GLB1: variants seen among roughly 807,000 people sequenced by gnomAD.
GLB1 encodes galactosidase beta 1.
In GLB1, 56 loss-of-function variants were observed where a neutral mutation model predicts 74.0. That is an observed-to-expected ratio of 0.76 (90% CI 0.61 to 0.94). GLB1 has a LOEUF of 0.94. GLB1 is among the 40% of genes least tolerant of loss of function. GLB1 has a pLI of 0.00. For synonymous variants in GLB1, 323 were observed against 323.6 expected (o/e 1.00, Z 0.02); for missense variants, 787 against 845.5 (o/e 0.93, Z 0.86).
intron 15 of GLB1, among the ~76,000 whole-genome samples, chr3:33,012,780 A>G (rs968572710): frequency 3.3e-5 from 5 of 152,162 alleles, no homozygotes; most frequent in Non-Finnish European, 7.3e-5. Context: ...CATCCGAGAC[A>G]TATCCCTCTC....
At chr3:32,997,461 A>T in intron 15 of GLB1, 117 bp from the exon 16 acceptor site, 1 of 1,509,806 alleles carries the variant, frequency 6.6e-7, no homozygotes, top group South Asian at 1.2e-5. Context: ...GCCCCCAGAA[A>T]GGCGAGGCTG....
rs760583852 is a variant in GLB1 at position 33,014,137 on chromosome 3, A to G, written c.1653T>C (p.Phe551=). 2 of 1,614,090 alleles carry G rather than the reference A, an allele frequency of 1.2e-6. No individual in the cohort carries two copies. Among genetic ancestry groups the G allele is most frequent in the Admixed American group, 1.7e-5 (1 of 60,018 alleles). ...HNSSNYTLPA[F]YMGNFSIPSG... Reference sequence around the variant, plus strand: ...TGGGAATGGAGAAGTTCCCCATATAAAAGGCCGGGAGCGTGTAGTTGGATG... The same window carrying G: ...TGGGAATGGAGAAGTTCCCCATATAGAAGGCCGGGAGCGTGTAGTTGGATG... The change falls in exon 15 of 16, where the codon TTT becomes TTC. Residue 551 remains phenylalanine, a synonymous_variant. Coordinates refer to ENST00000307363, the MANE Select transcript of GLB1 (RefSeq NM_000404.4).
At chr3:33,008,907 G>A (rs554135194) in intron 15 of GLB1, among the ~76,000 whole-genome samples, 14 of 151,352 alleles carry the variant, frequency 9.2e-5, no homozygotes, top group South Asian at 2.1e-4. Context: ...ATCACCTGAC[G>A]TCGGGAGTTT....
intron 1 of GLB1, chr3:33,096,531 G>T (rs1701035909): frequency 1.0e-6 from 1 of 985,214 alleles, no homozygotes; most frequent in Admixed American, 6.2e-5. Context: ...AGAGCACCCA[G>T]AGGGGAAATA....
chr3:33,068,438 A>G, intron 3 of GLB1, 148 bp from the exon 4 acceptor site: 1 of 1,113,856 alleles, frequency 9.0e-7, no homozygotes, highest in Non-Finnish European at 1.2e-6. Context: ...TATAACTTGC[A>G]GAGAAATTAG....
intron 10 of GLB1, chr3:33,030,920 T>C: frequency 1.5e-6 from 1 of 663,500 alleles, no homozygotes; most frequent in Non-Finnish European, 1.9e-6. Flanking sequence ...GAAGAGGAGG[T>C]CGCTGCCCTA....
chr3:32,975,463 A>G, the GLB1 span, among the ~76,000 whole-genome samples: 3 of 152,144 alleles, frequency 2.0e-5, no homozygotes, highest in African/African-American at 4.8e-5. Flanking sequence ...AAAGGGAGCA[A>G]TCAACCCTCA....
intron 11 of GLB1, among the ~76,000 whole-genome samples, chr3:33,022,741 G>T (rs2125476613): frequency 6.6e-6 from 1 of 151,462 alleles, no homozygotes; most frequent in East Asian, 1.9e-4. Flanking sequence ...TGTATTTTTA[G>T]TAGAGACGGG....
chr3:33,007,756 T>C (rs887644904), intron 15 of GLB1, among the ~76,000 whole-genome samples: 3 of 152,146 alleles, frequency 2.0e-5, no homozygotes, highest in African/African-American at 7.2e-5. Flanking sequence ...ACAAATACTG[T>C]GTGGAGATGT....
the GLB1 span, among the ~76,000 whole-genome samples, chr3:32,983,650 A>G: frequency 6.6e-6 from 1 of 151,810 alleles, no homozygotes; most frequent in Non-Finnish European, 1.5e-5. Context: ...GGCTGGGGCT[A>G]CCCTTTGACC....
At chr3:33,022,564 A>ATTT (rs61013692) in intron 11 of GLB1, among the ~76,000 whole-genome samples, 1,971 of 63,726 alleles carry the variant, frequency 0.031, 387 homozygotes, top group East Asian at 0.14. Context: ...ACTGGTTAGG[A>ATTT]TTTTTTTTTT....
At chr3:33,000,195 T>A (rs1327249333) in intron 15 of GLB1, among the ~76,000 whole-genome samples, 1 of 150,974 alleles carries the variant, frequency 6.6e-6, no homozygotes, top group Admixed American at 6.6e-5. Context: ...CCCATCAGCC[T>A]CCCAAAAAGT....
intron 15 of GLB1, among the ~76,000 whole-genome samples, chr3:33,009,010 ATG>A (rs1696900761): frequency 1.3e-5 from 2 of 151,594 alleles, no homozygotes; most frequent in South Asian, 4.2e-4. Flanking sequence ...TCCCAGCTAC[ATG>A]GGAGGCTGAG....
intron 15 of GLB1, among the ~76,000 whole-genome samples, chr3:32,999,245 T>A (rs1190630071): frequency 6.6e-6 from 1 of 152,240 alleles, no homozygotes; most frequent in African/African-American, 2.4e-5. Flanking sequence ...CTAAAAGGTA[T>A]ATACAATGAC....
Position 33,049,038 on chromosome 3 carries a change from AT to A in GLB1, c.955+2719del, listed in dbSNP as rs556118566. Among the ~76,000 whole-genome samples, 335 of 151,802 alleles carry A rather than the reference AT, an allele frequency of 2.2e-3. 3 individuals are homozygous for A. Among genetic ancestry groups the A allele is most frequent in the Non-Finnish European group, 2.1e-3 (144 of 67,858 alleles). On this transcript the variant is annotated intron_variant, in intron 9 of 15. Transcript: ENST00000307363. The stretch of plus-strand genomic sequence containing the variant: ...GTTCTGACAGTTTCTATAATGTCCA[AT>A]TTTTTTTTAAGATGAATGTGTTATT...
intron 1 of GLB1, among the ~76,000 whole-genome samples, chr3:33,083,909 T>C (rs1360118899): frequency 6.6e-6 from 1 of 152,222 alleles, no homozygotes; most frequent in Non-Finnish European, 1.5e-5. Flanking sequence ...CCAAGTTCCC[T>C]AATCCTCAGG....
At chr3:33,017,718 A>G (rs1013324613) in intron 13 of GLB1, among the ~76,000 whole-genome samples, 1 of 152,300 alleles carries the variant, frequency 6.6e-6, no homozygotes, top group East Asian at 1.9e-4. Flanking sequence ...ATAATTTCTC[A>G]TGTAGGATAA....
At chr3:32,982,389 C>T in the GLB1 span, among the ~76,000 whole-genome samples, 30 of 150,620 alleles carry the variant, frequency 2.0e-4, no homozygotes, top group African/African-American at 6.6e-4. Context: ...TTCTCTCATT[C>T]CTTGCCTTTT....
chr3:33,090,649 A>T (rs1285017286), intron 1 of GLB1: 1 of 985,352 alleles, frequency 1.0e-6, no homozygotes, highest in Non-Finnish European at 1.2e-6. Flanking sequence ...AGAATGTTGA[A>T]CAAAGGGACT....
Sources: allele counts gnomAD v4.1 joint callset (sites outside exome capture counted in the v4.1 genomes callset), GRCh38; gene constraint gnomAD v4.1.1; transcripts MANE v1.5; gene names NCBI Gene and HGNC (gene_info 2026-07-23, HGNC 2026-07-21).